Variants in ATL3 observed in about 807,000 individuals in gnomAD.
ATL3 encodes atlastin GTPase 3.
ATL3 carries 49 observed loss-of-function variants against 69.5 expected under a neutral mutation model. The ratio of observed to expected loss-of-function variants is 0.71; its 90% CI spans 0.56 to 0.89. The LOEUF (loss-of-function observed/expected upper bound fraction) is 0.89. Ranked by LOEUF, ATL3 falls within the 40% of genes least tolerant of loss-of-function variation. ATL3 has a pLI of 0.00. For missense variants in ATL3, 606 were observed against 645.7 expected (o/e 0.94, Z 0.67); for synonymous variants, 214 against 224.1 (o/e 0.95, Z 0.40).
intron 8 of ATL3, among the ~76,000 whole-genome samples, chr11:63,638,727 C>CAA (rs57848559): frequency 2.3e-5 from 3 of 132,192 alleles, no homozygotes; most frequent in African/African-American, 5.6e-5. Context: ...CAAAACAAAA[C>CAA]AAAAAAAAAA....
At chr11:63,658,729 T>C (rs753726366) in intron 3 of ATL3, 32 bp downstream of exon 3, 8 of 1,571,632 alleles carry the variant, frequency 5.1e-6, no homozygotes, top group Non-Finnish European at 6.9e-6. Flanking sequence ...GTTGTTGTTG[T>C]TGTTAATCTG....
chr11:63,657,976 C>A (rs2155802), intron 3 of ATL3, among the ~76,000 whole-genome samples: 1 of 151,526 alleles, frequency 6.6e-6, no homozygotes, highest in African/African-American at 2.4e-5. Context: ...CCTGCCTCAG[C>A]CTCCCAAGTA....
Position 63,631,285 on chromosome 11 carries a change from T to C in ATL3, c.1294A>G (p.Asn432Asp). ...GTGCTGAAGACGTTCTTGCTACCAT[T>C]GTGCTTGCAGAAGTTCTCATATAAT... ...KELYENFCKHNGSKNVFSTFR... is the reference protein window; with the variant it reads ...KELYENFCKHDGSKNVFSTFR... Residue 432 changes from asparagine (N) to aspartate (D), a missense_variant, in exon 12 of 13, where the codon AAT becomes GAT. Transcript: ENST00000398868. 1.2e-6 allele frequency: 2 copies of C among 1,614,216 alleles called. No homozygotes were observed. The highest frequency in any genetic ancestry group is 1.7e-6 in the Non-Finnish European group (2 of 1,180,048).
At chr11:63,645,068 G>A (rs1939825204) in intron 6 of ATL3, among the ~76,000 whole-genome samples, 1 of 149,614 alleles carries the variant, frequency 6.7e-6, no homozygotes, top group South Asian at 2.1e-4. Context: ...GTGACAGAGC[G>A]AGACTCTGTC....
upstream of ATL3, chr11:63,671,656 G>GCTA: frequency 7.2e-7 from 1 of 1,394,664 alleles, no homozygotes; most frequent in Non-Finnish European, 9.4e-7. Context: ...GGCGCTGAGT[G>GCTA]CTACCGTCCT....
At position 63,661,357 on chromosome 11, in the gene ATL3, G is replaced by A. The variant is rs1040347127; in HGVS notation, c.47-2105C>T. ...ACTAGTAATAACTCAAAAAGTTTTA[G>A]AAGCTATTAATTCTATAGTTCAAAA... On this transcript the variant is annotated intron_variant, in intron 1 of 12. Transcript: ENST00000398868. Among the ~76,000 whole-genome samples the A allele has an allele frequency of 4.5e-4, 69 of 152,044 alleles. 3 individuals are homozygous for A. The highest frequency in any genetic ancestry group is 4.4e-5 in the Non-Finnish European group (3 of 68,034).
In ATL3 at chr11:63,659,116, C is replaced by T. The variant is rs1348666497; in HGVS notation, c.183G>A (p.Val61=). Residue 61 remains valine, a synonymous_variant, in exon 2 of 13, where the codon GTG becomes GTA. Transcript: ENST00000398868. The stretch of plus-strand genomic sequence containing the variant: ...GGAAGGCACCAGCCACTGAAACCAC[C>T]ACCACATCAAGATCTCGGATGTGGT... ...LQDHIRDLDV[V]VVSVAGAFRK... is the part of the protein sequence containing the mutation. 1 of 1,613,928 alleles carries T rather than the reference C, an allele frequency of 6.2e-7. No homozygotes were observed. Among genetic ancestry groups the T allele is most frequent in the Non-Finnish European group, 8.5e-7 (1 of 1,180,038 alleles).
intron 3 of ATL3, among the ~76,000 whole-genome samples, chr11:63,657,650 A>G (rs1161350993): frequency 6.6e-6 from 1 of 152,228 alleles, no homozygotes; most frequent in Non-Finnish European, 1.5e-5. Flanking sequence ...GACCTTTTAA[A>G]CTATATTCAT....
At chr11:63,632,569 G>C in intron 11 of ATL3, 1 of 851,778 alleles carries the variant, frequency 1.2e-6, no homozygotes, top group Non-Finnish European at 2.1e-6. Flanking sequence ...TTGGTTAGAA[G>C]GTGATAAATC....
At chr11:63,643,191 C>A (rs932791253) in intron 8 of ATL3, among the ~76,000 whole-genome samples, 166 bp downstream of exon 8, 6 of 152,212 alleles carry the variant, frequency 3.9e-5, no homozygotes, top group Non-Finnish European at 7.3e-5. Context: ...TAAACTAATT[C>A]TGATGGTCTC....
chr11:63,647,555 T>G (rs1939924982), intron 5 of ATL3, among the ~76,000 whole-genome samples: 1 of 152,224 alleles, frequency 6.6e-6, no homozygotes, highest in South Asian at 2.1e-4. Flanking sequence ...TTGATTTGAT[T>G]TGCATCTGTC....
chr11:63,658,720 T>C (rs760396084), intron 3 of ATL3, 41 bp downstream of exon 3: 30 of 1,559,984 alleles, frequency 1.9e-5, no homozygotes, highest in Non-Finnish European at 2.2e-5. Context: ...TCATATTTTG[T>C]TGTTGTTGTT....
At chr11:63,640,437 G>A (rs1278538947) in intron 8 of ATL3, among the ~76,000 whole-genome samples, 1 of 151,528 alleles carries the variant, frequency 6.6e-6, no homozygotes, top group Non-Finnish European at 1.5e-5. Flanking sequence ...ACAGGGGTGT[G>A]CCACCATGTC....
At chr11:63,660,035 T>C (rs572679666) in intron 1 of ATL3, among the ~76,000 whole-genome samples, 1 of 138,126 alleles carries the variant, frequency 7.2e-6, no homozygotes, top group East Asian at 2.1e-4. Context: ...ATAATAATAA[T>C]AAAAAATAAA....
chr11:63,630,231 G>T (rs1158226008), intron 12 of ATL3, among the ~76,000 whole-genome samples: 1 of 148,928 alleles, frequency 6.7e-6, no homozygotes, highest in Non-Finnish European at 1.5e-5. Context: ...TAGCTAACAT[G>T]GCAAAACACT....
rs117206752 is a variant in ATL3 at position 63,646,949 on chromosome 11, C to T, written c.562-386G>A. ...ACCTCATTCAGTATTAAAGCCAGTC[C>T]TTACAGTGTGATGCAGCCACACTGG... On this transcript the variant is annotated intron_variant, in intron 5 of 12. Coordinates refer to ENST00000398868, the MANE Select transcript of ATL3 (RefSeq NM_015459.5). 3.9e-3 allele frequency among the ~76,000 whole-genome samples: 589 copies of T among 152,270 alleles called. 1 individual carries two copies. The highest frequency in any genetic ancestry group is 5.7e-3 in the Non-Finnish European group (390 of 68,022).
Position 63,625,770 on chromosome 11 carries a change from C to T in ATL3, c.*3549G>A, listed in dbSNP as rs1939088065. ...TGGAAGGCCAAGACAGGCGGATTCC[C>T]AGAGGAGTTGAGACCAGCCTGGTCA... On this transcript the variant is annotated 3_prime_UTR_variant, in exon 13 of 13. Coordinates refer to ENST00000398868, the MANE Select transcript of ATL3 (RefSeq NM_015459.5). 1 of 152,240 alleles carries T rather than the reference C, an allele frequency of 6.6e-6. No individual in the cohort carries two copies. The highest frequency in any genetic ancestry group is 1.5e-5 in the Non-Finnish European group (1 of 68,094). The allele number at this position is 152,240 out of a possible 1,614,324, so 9.4% of individuals were successfully genotyped here.
At chr11:63,671,157 C>G (rs1432595449) in intron 1 of ATL3, 133 bp downstream of exon 1, 1 of 1,401,090 alleles carries the variant, frequency 7.1e-7, no homozygotes, top group African/African-American at 1.5e-5. Context: ...CCGAGTGACC[C>G]CGGCGAGGGA....
intron 6 of ATL3, 37 bp downstream of exon 6, chr11:63,646,466 AAAAC>A (rs1316938806): frequency 7.5e-7 from 1 of 1,339,044 alleles, no homozygotes; most frequent in Non-Finnish European, 1.0e-6. Context: ...TGTGAAAACA[AAAAC>A]AAAGGTATGA....
Sources: allele counts gnomAD v4.1 joint callset (sites outside exome capture counted in the v4.1 genomes callset), GRCh38; gene constraint gnomAD v4.1.1; transcripts MANE v1.5; gene names NCBI Gene and HGNC (gene_info 2026-07-23, HGNC 2026-07-21).